TOP1: variants seen among roughly 807,000 people sequenced by gnomAD.
TOP1 encodes DNA topoisomerase I, also known as DNA topoisomerase 1.
TOP1 carries 10 observed loss-of-function variants against 111.1 expected under a neutral mutation model. That is an observed-to-expected ratio of 0.09 (90% CI 0.06 to 0.15). TOP1 has a LOEUF of 0.15. TOP1 is among the 10% of genes least tolerant of loss of function. The probability of loss-of-function intolerance (pLI) is 1.00; values close to 1 mark genes in which losing one functional copy is unlikely to be tolerated. For missense variants in TOP1, 474 were observed against 926.7 expected, an observed-to-expected ratio of 0.51 and a Z score of 6.34; for synonymous variants, 271 against 302.9, an observed-to-expected ratio of 0.89 and a Z score of 1.10.
At chr20:41,065,789 T>G (rs1460475277) in intron 3 of TOP1, among the ~76,000 whole-genome samples, 1 of 152,200 alleles carries the variant, frequency 6.6e-6, no homozygotes, top group Non-Finnish European at 1.5e-5. Flanking sequence ...TAATCACATT[T>G]AAAAAAATCC....
At position 41,032,024 on chromosome 20, in the gene TOP1, T is replaced by C. The variant is rs2033126284; in HGVS notation, c.58+2569T>C. Among the ~76,000 whole-genome samples, 1 of 152,222 alleles carries C rather than the reference T, an allele frequency of 6.6e-6. No homozygotes were observed. The highest frequency in any genetic ancestry group is 1.5e-5 in the Non-Finnish European group (1 of 68,044). ...CAAGTAATACATTGTTAACCAGTGA[T>C]TGATTTATGTAACTATGAAAAAAAC... On this transcript the variant is annotated intron_variant, in intron 2 of 20. Transcript: ENST00000361337. This position sits in a 1 kb window ranked among gnomAD's most constrained non-coding sequence, Gnocchi z 4.3.
Position 41,112,910 on chromosome 20 carries a change from G to A in TOP1, c.1437G>A (p.Leu479=), listed in dbSNP as rs776279998. The change falls in exon 14 of 21, where the codon CTG becomes CTA. Residue 479 remains leucine (L), a synonymous_variant. Transcript: ENST00000361337. The surrounding 1 kb of genome is among the most constrained non-coding windows in gnomAD (Gnocchi z 5.8). ...AAGTCCGGCAGAGAGCTGTAGCCCT[G>A]TACTTCATCGACAAGGTGAGAGCAT... ...EMKVRQRAVA[L]YFIDKLALRA... is the part of the protein sequence containing the mutation. 1.9e-6 allele frequency: 3 copies of A among 1,614,106 alleles called. No homozygotes were observed. The highest frequency in any genetic ancestry group is 2.5e-6 in the Non-Finnish European group (3 of 1,179,972).
chr20:41,073,062 T>G, intron 3 of TOP1: 4 of 985,346 alleles, frequency 4.1e-6, no homozygotes, highest in African/African-American at 1.7e-5. Context: ...GAAATATCGT[T>G]GACTTTTGGC....
rs1248510408 is a variant in TOP1, at chr20:41,084,545, A to G, written c.591A>G (p.Lys197=). 2 of 1,572,228 alleles carry G rather than the reference A, an allele frequency of 1.3e-6. No homozygotes were observed. The highest frequency in any genetic ancestry group is 2.7e-5 in the African/African-American group (2 of 73,316). Residue 197 remains lysine (K), a synonymous_variant, in exon 8 of 21, where the codon AAA becomes AAG. Transcript: ENST00000361337. ...EPDNKKKKPK[K]EEEQKWKWWE... Reference sequence around the variant, plus strand: ...ATAACAAGAAAAAGAAGCCGAAGAAAGAAGAGGAACAGAAGTGGAAATGGT... The same window carrying G: ...ATAACAAGAAAAAGAAGCCGAAGAAGGAAGAGGAACAGAAGTGGAAATGGT...
At chr20:41,044,441 T>G (rs544776318) in intron 2 of TOP1, among the ~76,000 whole-genome samples, 11 of 152,212 alleles carry the variant, frequency 7.2e-5, no homozygotes, top group Non-Finnish European at 1.3e-4. Context: ...TTAAAATAAT[T>G]GCTCTATCTC....
chr20:41,084,662 T>C, intron 8 of TOP1, 94 bp downstream of exon 8: 1 of 708,342 alleles, frequency 1.4e-6, no homozygotes, highest in Non-Finnish European at 2.2e-6. Flanking sequence ...TATCCTGATA[T>C]TTGGGGGGAA....
At position 41,058,137 on chromosome 20, in the gene TOP1, G is replaced by T. The variant is rs985472047; in HGVS notation, c.59-3257G>T. ...GGAATTTCTTACAGTTAGTACTACG[G>T]TCATGCAGATTTCTATTTTCCCAGG... On this transcript the variant is annotated intron_variant, in intron 2 of 20. Transcript: ENST00000361337. This position sits in a 1 kb window ranked among gnomAD's most constrained non-coding sequence, Gnocchi z 4.2. Among the ~76,000 whole-genome samples, 3 of 152,146 alleles carry T rather than the reference G, an allele frequency of 2.0e-5. No individual in the cohort carries two copies. The highest frequency in any genetic ancestry group is 7.2e-5 in the African/African-American group (3 of 41,424).
At chr20:41,119,835 C>T (rs1157897669) in intron 18 of TOP1, among the ~76,000 whole-genome samples, 1 of 152,222 alleles carries the variant, frequency 6.6e-6, no homozygotes, top group Non-Finnish European at 1.5e-5. Flanking sequence ...ACATTTGCTG[C>T]CACTCTGTTA....
rs138470142 is a variant in TOP1 at position 41,100,693 on chromosome 20, T to TA, written c.1163+451dup. ...AGCAACTTCACCATACAGTTTTTTT[T>TA]ATTAAGTCGATAATTTCCACCTTTT... On this transcript the variant is annotated intron_variant, in intron 12 of 20. Coordinates refer to ENST00000361337, the MANE Select transcript of TOP1 (RefSeq NM_003286.4). This position sits in a 1 kb window ranked among gnomAD's most constrained non-coding sequence, Gnocchi z 4.4. 2.3e-3 allele frequency: 375 copies of TA among 161,460 alleles called. 2 individuals carry two copies. The highest frequency in any genetic ancestry group is 8.7e-3 in the African/African-American group (364 of 41,838). The allele number at this position is 161,460 out of a possible 1,614,324, so 10.0% of individuals were successfully genotyped here. A position where few individuals can be genotyped will look rare whatever the true frequency, so the allele number is the denominator to read the frequency against.
rs145846767 is a variant in TOP1 at position 41,114,648 on chromosome 20, C to T, written c.1638+493C>T. 6.6e-6 allele frequency among the ~76,000 whole-genome samples: 1 copy of T among 152,312 alleles called. No homozygotes were observed. Among genetic ancestry groups the T allele is most frequent in the African/African-American group, 2.4e-5 (1 of 41,564 alleles). On this transcript the variant is annotated intron_variant, in intron 15 of 20. Coordinates refer to ENST00000361337, the MANE Select transcript of TOP1 (RefSeq NM_003286.4). The surrounding 1 kb of genome is among the most constrained non-coding windows in gnomAD (Gnocchi z 4.5). ...CTTAGTATCCCCTGGTCATGTGGTA[C>T]ATTTGTCACTTTTCATCTTTGCTCA...
chr20:41,040,790 C>A (rs964108953), intron 2 of TOP1, among the ~76,000 whole-genome samples: 1 of 116,716 alleles, frequency 8.6e-6, no homozygotes, highest in Non-Finnish European at 1.6e-5. Context: ...TGGGAGACAG[C>A]GAGGCATCGT....
chr20:41,043,333 T>A (rs967855809), intron 2 of TOP1, among the ~76,000 whole-genome samples: 1 of 152,216 alleles, frequency 6.6e-6, no homozygotes, highest in Admixed American at 6.5e-5. Context: ...CAAGGAACCA[T>A]GTATGGAGTT....
intron 3 of TOP1, among the ~76,000 whole-genome samples, chr20:41,075,877 T>C (rs1341123945): frequency 1.3e-5 from 2 of 152,228 alleles, no homozygotes; most frequent in African/African-American, 4.8e-5. Flanking sequence ...TTCATTATTG[T>C]TTTTGTGCTG....
At position 41,032,043 on chromosome 20, in the gene TOP1, A is replaced by G. The variant is rs921647215; in HGVS notation, c.58+2588A>G. On this transcript the variant is annotated intron_variant, in intron 2 of 20. Transcript: ENST00000361337. This position sits in a 1 kb window ranked among gnomAD's most constrained non-coding sequence, Gnocchi z 4.3. Reference sequence around the variant, plus strand: ...CAGTGATTGATTTATGTAACTATGAAAAAAACTTTAAAAAAAGTAGAAATC... The same window carrying G: ...CAGTGATTGATTTATGTAACTATGAGAAAAACTTTAAAAAAAGTAGAAATC... Among the ~76,000 whole-genome samples, 2 of 152,198 alleles carry G rather than the reference A, an allele frequency of 1.3e-5. No homozygotes were observed. Among genetic ancestry groups the G allele is most frequent in the African/African-American group, 4.8e-5 (2 of 41,446 alleles).
chr20:41,054,945 TTAC>T lies in TOP1; in HGVS notation c.59-6447_59-6445del, dbSNP rs560989626. ...TTCCTTTTGTCTGTCGGAAGCTTCT[TTAC>T]TTAAAAGCTTTTTAAACCCCAGGGA... On this transcript the variant is annotated intron_variant, in intron 2 of 20. Coordinates refer to ENST00000361337, the MANE Select transcript of TOP1 (RefSeq NM_003286.4). Among the ~76,000 whole-genome samples the T allele has an allele frequency of 2.3e-4, 35 of 152,330 alleles. No homozygotes were observed. The East Asian group carries it at 6.7e-3, about 29-fold the overall frequency.
chr20:41,039,998 G>A (rs1350658344), intron 2 of TOP1, among the ~76,000 whole-genome samples: 1 of 152,238 alleles, frequency 6.6e-6, no homozygotes, highest in Non-Finnish European at 1.5e-5. Flanking sequence ...GAAATCATGT[G>A]ACAATAGCTA....
In TOP1 at chr20:41,123,409, C is replaced by A. The variant is rs1395023623; in HGVS notation, c.*112C>A. 1.3e-5 allele frequency: 9 copies of A among 685,114 alleles called. No individual in the cohort carries two copies. The highest frequency in any genetic ancestry group is 1.5e-5 in the Non-Finnish European group (6 of 399,622). The allele number at this position is 685,114 out of a possible 1,614,324, so 42.4% of individuals were successfully genotyped here. ...GGGGGAGAGAGGCAGCAAGTCTTAA[C>A]AAACCAACATCTTTGCGAAAAGATA... On this transcript the variant is annotated 3_prime_UTR_variant, in exon 21 of 21. Coordinates refer to ENST00000361337, the MANE Select transcript of TOP1 (RefSeq NM_003286.4). This position sits in a 1 kb window ranked among gnomAD's most constrained non-coding sequence, Gnocchi z 5.8.
At position 41,122,179 on chromosome 20, in the gene TOP1, C is replaced by T; in HGVS notation, c.2195+24C>T. 6.2e-7 allele frequency: 1 copy of T among 1,612,330 alleles called. No individual in the cohort carries two copies. The highest frequency in any genetic ancestry group is 8.5e-7 in the Non-Finnish European group (1 of 1,178,974). ...TGGTAAGTGTTGAGCCCTCCTTGAGCTCCTGCTGCTAGCTTAAGAAAGGTG... is the reference window on the plus strand; with the variant it reads ...TGGTAAGTGTTGAGCCCTCCTTGAGTTCCTGCTGCTAGCTTAAGAAAGGTG... On this transcript the variant is annotated intron_variant, in intron 20 of 20. Transcript: ENST00000361337. The surrounding 1 kb of genome is among the most constrained non-coding windows in gnomAD (Gnocchi z 5.4).
intron 2 of TOP1, among the ~76,000 whole-genome samples, chr20:41,043,944 C>G (rs1433447771): frequency 6.6e-6 from 1 of 152,174 alleles, no homozygotes; most frequent in Non-Finnish European, 1.5e-5. Flanking sequence ...GCAGGGATGT[C>G]CTTGTGAAAA....
Sources: allele counts gnomAD v4.1 joint callset (sites outside exome capture counted in the v4.1 genomes callset), GRCh38; gene constraint gnomAD v4.1.1; non-coding constraint Gnocchi (gnomAD v3.1); transcripts MANE v1.5; gene names NCBI Gene and HGNC (gene_info 2026-07-23, HGNC 2026-07-21).